Variants in OPLAH observed in about 807,000 individuals in gnomAD.
OPLAH encodes the protein 5-oxoprolinase.
Under a neutral mutation model 122.8 loss-of-function variants are expected in OPLAH, and 103 were observed. The ratio of observed to expected loss-of-function variants is 0.84; its 90% CI spans 0.71 to 0.99. The LOEUF (loss-of-function observed/expected upper bound fraction) is 0.99. OPLAH is among the 50% of genes least tolerant of loss of function. The pLI is 0.00. For missense variants in OPLAH, 1,902 were observed against 1,836.5 expected (o/e 1.04, Z -0.65); for synonymous variants, 875 against 796.0 (o/e 1.10, Z -1.67).
Position 144,057,657 on chromosome 8 carries a change from A to G in OPLAH, c.1213T>C (p.Ser405Pro). The change falls in exon 10 of 27, where the codon TCC becomes CCC. Residue 405 changes from serine to proline, a missense_variant. Ser to Pro is a moderately conservative substitution (Grantham distance 74). Transcript: ENST00000618853. The part of the protein sequence containing the change: ...NLVLGRLLPA[S>P]FPCIFGPGEN... ...CCCGGCCCAAAAATGCAGGGGAAGGAGGCAGGCAGCAGGCGACCCAGGACC... is the reference window on the plus strand; with the variant it reads ...CCCGGCCCAAAAATGCAGGGGAAGGGGGCAGGCAGCAGGCGACCCAGGACC... 1 of 1,606,732 alleles carries G rather than the reference A, an allele frequency of 6.2e-7. No homozygotes were observed. The highest frequency in any genetic ancestry group is 8.5e-7 in the Non-Finnish European group (1 of 1,176,522).
chr8:144,058,991 G>T lies in OPLAH; in HGVS notation c.452C>A (p.Thr151Lys), dbSNP rs572402707. The part of the protein sequence containing the change: ...VLHRGEAGTG[T>K]PVKGRTGDLL... ...GGCGGCACACACACCTTTCACAGGC[G>T]TCCCGGTGCCCGCCTCTCCACGGTG... Residue 151 changes from threonine (T) to lysine (K), a missense_variant, in exon 4 of 27, where the codon ACG becomes AAG. Thr to Lys is a moderately conservative substitution (Grantham distance 78). Coordinates refer to ENST00000618853, the MANE Select transcript of OPLAH (RefSeq NM_017570.5). 5.1e-6 allele frequency: 8 copies of T among 1,564,514 alleles called. No homozygotes were observed. In the East Asian group the frequency reaches 1.9e-4, roughly 38 times the overall value.
Position 144,055,908 on chromosome 8 carries a change from C to T in OPLAH, c.2128G>A (p.Glu710Lys), listed in dbSNP as rs1554758892. The change falls in exon 16 of 27, where the codon GAG (glutamate) becomes AAG (lysine). Residue 710 changes from glutamate to lysine, a missense_variant. Glu to Lys is a moderately conservative substitution (Grantham distance 56). Around this residue, in one of 3 missense-constraint regions of OPLAH, gnomAD observed 1,726 missense variants for 1,642.1 expected, o/e 1.05. Transcript: ENST00000618853. This position sits in a 1 kb window ranked among gnomAD's most constrained non-coding sequence, Gnocchi z 6.5. Reference sequence around the variant, plus strand: ...CAGATGTCCCCTGTCTTGGTCACCTCTGCCTGGCAACCTGGCTCCACCAGG... The same window carrying T: ...CAGATGTCCCCTGTCTTGGTCACCTTTGCCTGGCAACCTGGCTCCACCAGG... ...TILVEPGCQA[E>K]VTKTGDICIS... is the part of the protein sequence containing the mutation. 1 of 1,588,156 alleles carries T rather than the reference C, an allele frequency of 6.3e-7. No individual in the cohort carries two copies. Among genetic ancestry groups the T allele is most frequent in the Non-Finnish European group, 8.6e-7 (1 of 1,167,438 alleles).
In OPLAH at chr8:144,057,283, C is replaced by G. The variant is rs782103266; in HGVS notation, c.1460G>C (p.Cys487Ser). ...ATGCTGCCCACCAGCTCCCCCAAAG[C>G]AGGCCAGCACATGGGCTGAGGGGTC... ...GHDPSAHVLA[C>S]FGGAGGQHAC... The change falls in exon 11 of 27, where the codon TGC becomes TCC. Residue 487 changes from cysteine to serine, a missense_variant. Physicochemically the swap from Cys to Ser is moderately radical, Grantham distance 112. Coordinates refer to ENST00000618853, the MANE Select transcript of OPLAH (RefSeq NM_017570.5). 1.9e-6 allele frequency: 3 copies of G among 1,612,454 alleles called. No individual in the cohort carries two copies. Among genetic ancestry groups the G allele is most frequent in the Non-Finnish European group, 2.5e-6 (3 of 1,179,772 alleles).
Position 144,057,910 on chromosome 8 carries a change from C to T in OPLAH, c.1102G>A (p.Val368Met), listed in dbSNP as rs782527745. The T allele has an allele frequency of 6.2e-7, 1 of 1,612,002 alleles. No individual in the cohort carries two copies. Among genetic ancestry groups the T allele is most frequent in the Admixed American group, 1.7e-5 (1 of 59,892 alleles). Residue 368 changes from valine (V) to methionine (M), a missense_variant, in exon 9 of 27, where the codon GTG (valine) becomes ATG (methionine). Transcript: ENST00000618853. Reference protein sequence around the residue: ...SRLFFRSGLFVVGPESAGAHP... With the variant: ...SRLFFRSGLFMVGPESAGAHP... ...GCTCCTGCTGACTCGGGCCCAACCA[C>T]AAAGAGGCCAGACCTAGGGGAAGGA...
At chr8:144,050,373 G>A (rs1229354904), downstream of OPLAH, 21 of 983,094 alleles carry the variant, frequency 2.1e-5, no homozygotes, top group Admixed American at 1.3e-4. Context: ...GGGCCGAGAA[G>A]TTTGAGGCCG....
At chr8:144,053,987 C>T (rs1248677805) in intron 19 of OPLAH, among the ~76,000 whole-genome samples, 3 of 125,578 alleles carry the variant, frequency 2.4e-5, no homozygotes, top group Non-Finnish European at 5.0e-5. Flanking sequence ...CCCCCGCCCT[C>T]GCTCTCCACT....
chr8:144,058,714 C>T, intron 5 of OPLAH, 23 bp from the exon 6 acceptor site: 2 of 1,581,156 alleles, frequency 1.3e-6, no homozygotes, highest in Non-Finnish European at 1.7e-6. Context: ...CCCAGTGGCA[C>T]CTCGTCTCCC....
chr8:144,054,473 G>T, intron 19 of OPLAH, 88 bp downstream of exon 19: 1 of 1,380,724 alleles, frequency 7.2e-7, no homozygotes, highest in East Asian at 2.5e-5. Flanking sequence ...CCTATGGGCT[G>T]CATCCCACGG....
chr8:144,057,303 G>A lies in OPLAH; in HGVS notation c.1440C>T (p.Pro480=), dbSNP rs539195125. ...CAAAGCAGGCCAGCACATGGGCTGAGGGGTCATGGCCTCTTGCCTAGGGAG... is the reference window on the plus strand; with the variant it reads ...CAAAGCAGGCCAGCACATGGGCTGAAGGGTCATGGCCTCTTGCCTAGGGAG... The part of the protein sequence containing the change: ...RALTQARGHD[P]SAHVLACFGG... Residue 480 remains proline, a synonymous_variant, in exon 11 of 27, where the codon CCC becomes CCT. Coordinates refer to ENST00000618853, the MANE Select transcript of OPLAH (RefSeq NM_017570.5). 6.2e-7 allele frequency: 1 copy of A among 1,612,176 alleles called. No homozygotes were observed. The highest frequency in any genetic ancestry group is 8.5e-7 in the Non-Finnish European group (1 of 1,179,660).
rs1835557478 is a variant in OPLAH, at chr8:144,057,656, G to A, written c.1214C>T (p.Ser405Phe). The change falls in exon 10 of 27, where the codon TCC becomes TTC. Residue 405 changes from serine to phenylalanine, a missense_variant. Physicochemically the swap from Ser to Phe is radical, Grantham distance 155. Around this residue, in one of 3 missense-constraint regions of OPLAH, gnomAD observed 1,726 missense variants for 1,642.1 expected, o/e 1.05. Coordinates refer to ENST00000618853, the MANE Select transcript of OPLAH (RefSeq NM_017570.5). ...TCCCGGCCCAAAAATGCAGGGGAAG[G>A]AGGCAGGCAGCAGGCGACCCAGGAC... ...NLVLGRLLPASFPCIFGPGEN... is the reference protein window; with the variant it reads ...NLVLGRLLPAFFPCIFGPGEN... 1.9e-6 allele frequency: 3 copies of A among 1,606,880 alleles called. No individual in the cohort carries two copies. Among genetic ancestry groups the A allele is most frequent in the African/African-American group, 2.7e-5 (2 of 74,944 alleles).
Position 144,052,243 on chromosome 8 carries a change from G to A in OPLAH, c.3387C>T (p.Ser1129=). The change falls in exon 24 of 27, where the codon AGC becomes AGT. Residue 1129 remains serine, a synonymous_variant. Transcript: ENST00000618853. ...TGTGCACACCGCTGCGCCCGTGCCA[G>A]CTGGGACCCGCGCCCGCGCCGCCCG... The part of the protein sequence containing the change: ...TVAGGAGAGP[S]WHGRSGVHSH... 2 of 1,551,112 alleles carry A rather than the reference G, an allele frequency of 1.3e-6. No homozygotes were observed. The highest frequency in any genetic ancestry group is 1.7e-6 in the Non-Finnish European group (2 of 1,153,782).
At chr8:144,061,883 G>A (rs1462133113), upstream of OPLAH, among the ~76,000 whole-genome samples, 1 of 151,846 alleles carries the variant, frequency 6.6e-6, no homozygotes, top group African/African-American at 2.4e-5. Context: ...AGCTGGGCGT[G>A]GTGGCACGCA....
intron 18 of OPLAH, 26 bp from the exon 19 acceptor site, chr8:144,054,761 C>T (rs1554758541): frequency 6.2e-7 from 1 of 1,612,070 alleles, no homozygotes; most frequent in Non-Finnish European, 8.5e-7. Context: ...CCACGGTCAG[C>T]TGCATCGGCC....
Position 144,059,030 on chromosome 8 carries a change from T to G in OPLAH, c.413A>C (p.Glu138Ala). The stretch of plus-strand genomic sequence containing the variant: ...CTCTCCACGGTGCAGCACCACGCGT[T>G]CGTCCACCTCCAGCACCTCTTCATA... The part of the protein sequence containing the change: ...VLYEEVLEVD[E>A]RVVLHRGEAG... Residue 138 changes from glutamate to alanine, a missense_variant, in exon 4 of 27, where the codon GAA becomes GCA. By Grantham distance (107) the Glu-to-Ala change is moderately radical (BLOSUM62 -1). This residue lies in a region of OPLAH where 1,726 missense variants were observed against 1,642.1 expected (regional missense o/e 1.05). Coordinates refer to ENST00000618853, the MANE Select transcript of OPLAH (RefSeq NM_017570.5). 6.3e-7 allele frequency: 1 copy of G among 1,590,056 alleles called. No individual in the cohort carries two copies. The highest frequency in any genetic ancestry group is 8.5e-7 in the Non-Finnish European group (1 of 1,169,862).
Position 144,058,812 on chromosome 8 carries a change from C to T in OPLAH, c.548G>A (p.Gly183Asp). The T allele has an allele frequency of 6.2e-7, 1 of 1,600,394 alleles. No individual in the cohort carries two copies. The highest frequency in any genetic ancestry group is 1.3e-5 in the African/African-American group (1 of 74,654). ...RGKLEGLLSR[G>D]IRSLAVVLMH... is the part of the protein sequence containing the mutation. ...GAGCACCACAGCCAGGCTGCGGATGCCTCGAGATAGCAGCCCCTCCAGCTT... is the reference window on the plus strand; with the variant it reads ...GAGCACCACAGCCAGGCTGCGGATGTCTCGAGATAGCAGCCCCTCCAGCTT... Residue 183 changes from glycine (G) to aspartate (D), a missense_variant, in exon 5 of 27, where the codon GGC becomes GAC. Coordinates refer to ENST00000618853, the MANE Select transcript of OPLAH (RefSeq NM_017570.5).
rs1554757854 is a variant in OPLAH, at chr8:144,052,237, G to A, written c.3393C>T (p.His1131=). The A allele has an allele frequency of 1.9e-6, 3 of 1,559,516 alleles. No individual in the cohort carries two copies. The South Asian group carries it at 3.5e-5, about 18-fold the overall frequency. The change falls in exon 24 of 27, where the codon CAC becomes CAT. Residue 1131 remains histidine, a synonymous_variant. Coordinates refer to ENST00000618853, the MANE Select transcript of OPLAH (RefSeq NM_017570.5). ...AGGAGAGPSW[H]GRSGVHSHMT... is the part of the protein sequence containing the mutation. ...TGTGGCTGTGCACACCGCTGCGCCCGTGCCAGCTGGGACCCGCGCCCGCGC... is the reference window on the plus strand; with the variant it reads ...TGTGGCTGTGCACACCGCTGCGCCCATGCCAGCTGGGACCCGCGCCCGCGC...
chr8:144,056,519 T>C lies in OPLAH; in HGVS notation c.1849A>G (p.Met617Val), dbSNP rs373063458. The C allele has an allele frequency of 6.2e-6, 10 of 1,611,950 alleles. No homozygotes were observed. The highest frequency in any genetic ancestry group is 8.5e-6 in the Non-Finnish European group (10 of 1,179,474). Reference sequence around the variant, plus strand: ...GGTATGACAAAGCCAAACTCCCTCATGTACCTGCACTCCCCGCGGGGACCC... The same window carrying C: ...GGTATGACAAAGCCAAACTCCCTCACGTACCTGCACTCCCCGCGGGGACCC... ...DFGAAFVERY[M>V]REFGFVIPER... The change falls in exon 14 of 27, where the codon ATG becomes GTG. Residue 617 changes from methionine to valine, a missense_variant. By Grantham distance (21) the Met-to-Val change is conservative. Transcript: ENST00000618853.
rs1564295053 is a variant in OPLAH, at chr8:144,059,954, C to T, written c.79G>A (p.Gly27Arg). 1.2e-6 allele frequency: 2 copies of T among 1,612,788 alleles called. No homozygotes were observed. The highest frequency in any genetic ancestry group is 2.2e-5 in the South Asian group (2 of 91,090). ...TFTDVFAQCP[G>R]GHVRVLKLLS... ...AGTTTTAAGACCCGCACGTGCCCCC[C>T]TGGGCACTGGGCAAAGACGTCTGTG... The change falls in exon 2 of 27, where the codon GGG becomes AGG. Residue 27 changes from glycine to arginine, a missense_variant. Physicochemically the swap from Gly to Arg is moderately radical, Grantham distance 125 (BLOSUM62 -2). Coordinates refer to ENST00000618853, the MANE Select transcript of OPLAH (RefSeq NM_017570.5).
chr8:144,050,701 G>A, downstream of OPLAH: 1 of 985,450 alleles, frequency 1.0e-6, no homozygotes, highest in Non-Finnish European at 1.2e-6. Context: ...CCTGGGTATC[G>A]TGCTTAGGGG....
Sources: allele counts gnomAD v4.1 joint callset (sites outside exome capture counted in the v4.1 genomes callset), GRCh38; gene constraint gnomAD v4.1.1; regional missense constraint gnomAD v4.1.1; non-coding constraint Gnocchi (gnomAD v3.1); transcripts MANE v1.5; gene names NCBI Gene and HGNC (gene_info 2026-07-23, HGNC 2026-07-21).